Variants in ZMIZ1 observed in about 807,000 individuals in gnomAD.
The protein encoded by ZMIZ1 is zinc finger MIZ-type containing 1.
Under a neutral mutation model 113.9 loss-of-function variants are expected in ZMIZ1, and 17 were observed. The observed-to-expected ratio is 0.15, with a 90% CI of 0.10 to 0.22. The LOEUF (loss-of-function observed/expected upper bound fraction) is 0.22. Among genes scored for constraint, ZMIZ1 ranks in the 10% least tolerant of loss-of-function variants. The pLI is 1.00. For missense variants in ZMIZ1, 1,059 were observed against 1,477.8 expected, an observed-to-expected ratio of 0.72 and a Z score of 4.65; for synonymous variants, 607 against 603.1, an observed-to-expected ratio of 1.01 and a Z score of -0.09.
At chr10:79,257,365 C>A (rs548522317) in intron 7 of ZMIZ1, among the ~76,000 whole-genome samples, 1 of 152,360 alleles carries the variant, frequency 6.6e-6, no homozygotes, top group South Asian at 2.1e-4. Context: ...CCACTGAGGG[C>A]CTCAGTTGTG....
chr10:79,309,398 G>A (rs1854959283), intron 23 of ZMIZ1, among the ~76,000 whole-genome samples: 2 of 152,208 alleles, frequency 1.3e-5, no homozygotes, highest in East Asian at 3.8e-4. Flanking sequence ...GGGCACTGAG[G>A]GCATCTACAG....
At position 79,137,445 on chromosome 10, in the gene ZMIZ1, C is replaced by A. The variant is rs541108273; in HGVS notation, c.-226-2237C>A. Among the ~76,000 whole-genome samples the A allele has an allele frequency of 9.2e-5, 14 of 152,336 alleles. No individual in the cohort carries two copies. In the East Asian group the frequency reaches 2.7e-3, roughly 29 times the overall value. ...AGGCTTAGTGGCCAGCCCTGCTGCT[C>A]CTACTCACCCGGACTAGGTGTGGCA... On this transcript the variant is annotated intron_variant, in intron 2 of 24. Coordinates refer to ENST00000334512, the MANE Select transcript of ZMIZ1 (RefSeq NM_020338.4).
At chr10:79,214,327 T>C (rs1564529388) in intron 6 of ZMIZ1, among the ~76,000 whole-genome samples, 1 of 152,142 alleles carries the variant, frequency 6.6e-6, no homozygotes. Context: ...AGCAGAGACG[T>C]TGAGCAAGCA....
chr10:79,277,473 T>C (rs1361536799), intron 8 of ZMIZ1, 148 bp downstream of exon 8: 1 of 1,018,040 alleles, frequency 9.8e-7, no homozygotes, highest in Non-Finnish European at 1.3e-6. Context: ...TACATCTTCG[T>C]GGGTGAGCCC....
At chr10:79,223,492 G>A (rs1849075324) in intron 7 of ZMIZ1, among the ~76,000 whole-genome samples, 1 of 152,180 alleles carries the variant, frequency 6.6e-6, no homozygotes, top group Non-Finnish European at 1.5e-5. Flanking sequence ...CCACCGCCCC[G>A]GTCAGGTGCC....
intron 1 of ZMIZ1, among the ~76,000 whole-genome samples, chr10:79,087,643 C>T (rs1382078715): frequency 1.3e-5 from 2 of 152,260 alleles, no homozygotes; most frequent in African/African-American, 4.8e-5. Context: ...ACCTCTTCCA[C>T]TCTACTTAAA....
At chr10:79,234,182 GAGGC>G (rs1026534242) in intron 7 of ZMIZ1, among the ~76,000 whole-genome samples, 2 of 152,208 alleles carry the variant, frequency 1.3e-5, no homozygotes, top group African/African-American at 4.8e-5. Flanking sequence ...TTGGGTGCTA[GAGGC>G]AGAGAACATA....
In ZMIZ1 at chr10:79,286,535, C is replaced by A. The variant is rs1462061132; in HGVS notation, c.426-3240C>A. 4.6e-5 allele frequency among the ~76,000 whole-genome samples: 7 copies of A among 152,382 alleles called. No individual in the cohort carries two copies. The South Asian group carries it at 1.2e-3, about 27-fold the overall frequency. On this transcript the variant is annotated intron_variant, in intron 8 of 24. Coordinates refer to ENST00000334512, the MANE Select transcript of ZMIZ1 (RefSeq NM_020338.4). ...CCCCACACGCTGTGCCTGTCTCTTCCCCAGTGCACGGGCAGCATGCCAGCA... is the reference window on the plus strand; with the variant it reads ...CCCCACACGCTGTGCCTGTCTCTTCACCAGTGCACGGGCAGCATGCCAGCA...
intron 2 of ZMIZ1, among the ~76,000 whole-genome samples, chr10:79,137,120 C>T (rs1845042939): frequency 6.6e-6 from 1 of 152,092 alleles, no homozygotes; most frequent in African/African-American, 2.4e-5. Flanking sequence ...AGCCTCAGGC[C>T]CTGCAACCTG....
intron 6 of ZMIZ1, among the ~76,000 whole-genome samples, chr10:79,208,735 T>C (rs1395156615): frequency 1.3e-5 from 2 of 152,254 alleles, no homozygotes; most frequent in Non-Finnish European, 2.9e-5. Flanking sequence ...TGTTCCATCA[T>C]AAGCACAGTA....
chr10:79,077,571 TAAAAC>T (rs1056196889), intron 1 of ZMIZ1, among the ~76,000 whole-genome samples: 4 of 152,312 alleles, frequency 2.6e-5, no homozygotes, highest in Admixed American at 2.0e-4. Flanking sequence ...TTTACATACT[TAAAAC>T]AACTTGCCAA....
chr10:79,093,011 T>G (rs754416), intron 1 of ZMIZ1, among the ~76,000 whole-genome samples: 106,503 of 151,296 alleles, frequency 0.7, 38,722 homozygotes, highest in African/African-American at 0.91. Context: ...AGGAGAGAGG[T>G]TCCTGGGGGT....
At chr10:79,073,778 A>C (rs548857683) in intron 1 of ZMIZ1, among the ~76,000 whole-genome samples, 2 of 151,558 alleles carry the variant, frequency 1.3e-5, no homozygotes, top group African/African-American at 4.9e-5. Flanking sequence ...GCCTCTGGGC[A>C]CTTTCCTTGG....
At chr10:79,112,983 C>T (rs1029832313) in intron 1 of ZMIZ1, among the ~76,000 whole-genome samples, 13 of 152,202 alleles carry the variant, frequency 8.5e-5, no homozygotes, top group Admixed American at 4.6e-4. Context: ...CTCCTGAGAT[C>T]GTGAGCTCCT....
At position 79,201,580 on chromosome 10, in the gene ZMIZ1, G is replaced by C. The variant is rs369425699; in HGVS notation, c.-49-4G>C. ...CAGTGACAACCTCTCCTTTCTCTTC[G>C]CAGGCTGGACAACGTTCATGGCTCT... On this transcript the variant is annotated splice_polypyrimidine_tract_variant and splice_region_variant and intron_variant, in intron 4 of 24. Transcript: ENST00000334512. 6.2e-7 allele frequency: 1 copy of C among 1,602,760 alleles called. No individual in the cohort carries two copies. The highest frequency in any genetic ancestry group is 8.5e-7 in the Non-Finnish European group (1 of 1,172,368).
At chr10:79,282,813 T>A (rs1852824589) in intron 8 of ZMIZ1, among the ~76,000 whole-genome samples, 1 of 152,218 alleles carries the variant, frequency 6.6e-6, no homozygotes, top group African/African-American at 2.4e-5. Context: ...CTCCCTGTTT[T>A]GTCCTCATCA....
At chr10:79,241,918 A>G (rs544012289) in intron 7 of ZMIZ1, among the ~76,000 whole-genome samples, 1 of 152,232 alleles carries the variant, frequency 6.6e-6, no homozygotes, top group South Asian at 2.1e-4. Flanking sequence ...AGGAGATTTT[A>G]AAGACAGTCA....
rs151184786 is a variant in ZMIZ1, at chr10:79,266,757, G to A, written c.281-10424G>A. 6.3e-3 allele frequency among the ~76,000 whole-genome samples: 962 copies of A among 152,290 alleles called. 6 individuals are homozygous for A. Among genetic ancestry groups the A allele is most frequent in the Non-Finnish European group, 0.01 (685 of 68,010 alleles). On this transcript the variant is annotated intron_variant, in intron 7 of 24. Coordinates refer to ENST00000334512, the MANE Select transcript of ZMIZ1 (RefSeq NM_020338.4). ...ACCCAAGAGAGCTGGCAGGGAGGAG[G>A]CCCCTTTTCCTATTTCTGGGGCACC...
chr10:79,095,103 C>T (rs142495030), intron 1 of ZMIZ1, among the ~76,000 whole-genome samples: 91 of 152,332 alleles, frequency 6.0e-4, no homozygotes, highest in African/African-American at 2.1e-3. Context: ...GGTTCATATC[C>T]TGTGTCTTCC....
Sources: allele counts gnomAD v4.1 joint callset (sites outside exome capture counted in the v4.1 genomes callset), GRCh38; gene constraint gnomAD v4.1.1; transcripts MANE v1.5; gene names NCBI Gene and HGNC (gene_info 2026-07-23, HGNC 2026-07-21).